PRKCE: variants seen among roughly 807,000 people sequenced by gnomAD.
PRKCE encodes the protein protein kinase C epsilon type.
Under a neutral mutation model 85.4 loss-of-function variants are expected in PRKCE, and 16 were observed. The ratio of observed to expected loss-of-function variants is 0.19; its 90% CI spans 0.13 to 0.28. PRKCE has a LOEUF of 0.28. Among genes scored for constraint, PRKCE ranks in the 10% least tolerant of loss-of-function variants. PRKCE has a pLI of 1.00. For synonymous variants in PRKCE, 388 were observed against 371.5 expected (o/e 1.04, Z -0.51); for missense variants, 573 against 975.2 (o/e 0.59, Z 5.49).
At chr2:45,778,169 G>C (rs1474686763) in intron 1 of PRKCE, among the ~76,000 whole-genome samples, 1 of 152,166 alleles carries the variant, frequency 6.6e-6, no homozygotes, top group Non-Finnish European at 1.5e-5. Flanking sequence ...GGTGGGTGGA[G>C]TTTAAGCCAA....
intron 8 of PRKCE, among the ~76,000 whole-genome samples, chr2:46,006,631 C>G (rs898949411): frequency 6.6e-6 from 1 of 152,196 alleles, no homozygotes; most frequent in Admixed American, 6.5e-5. Context: ...CTCAAGATGC[C>G]CATTTCCACA....
chr2:46,001,411 A>G lies in PRKCE; in HGVS notation c.831A>G (p.Lys277=). Reference sequence around the variant, plus strand: ...CTCCATGTCTCCTTACAGTCTGCAAAATGAATGTTCACCGTCGATGTGAGA... The same window carrying G: ...CTCCATGTCTCCTTACAGTCTGCAAGATGAATGTTCACCGTCGATGTGAGA... The part of the protein sequence containing the change: ...LRQGLQCKVC[K]MNVHRRCETN... The change falls in exon 7 of 15, where the codon AAA becomes AAG. Residue 277 remains lysine, a synonymous_variant. Coordinates refer to ENST00000306156, the MANE Select transcript of PRKCE (RefSeq NM_005400.3). This position sits in a 1 kb window ranked among gnomAD's most constrained non-coding sequence, Gnocchi z 4.4. 1 of 1,598,988 alleles carries G rather than the reference A, an allele frequency of 6.3e-7. No homozygotes were observed. Among genetic ancestry groups the G allele is most frequent in the Admixed American group, 1.7e-5 (1 of 59,950 alleles).
At chr2:46,008,463 G>C (rs1705390476) in intron 9 of PRKCE, among the ~76,000 whole-genome samples, 1 of 152,200 alleles carries the variant, frequency 6.6e-6, no homozygotes, top group Admixed American at 6.5e-5. Flanking sequence ...CCCTGGTTCT[G>C]TTCAGAGCTA....
intron 1 of PRKCE, among the ~76,000 whole-genome samples, chr2:45,681,029 G>A (rs189382912): frequency 8.1e-4 from 124 of 152,148 alleles, no homozygotes; most frequent in African/African-American, 2.6e-3. Context: ...GGTGGCGCAC[G>A]CCTGTAATCC....
At chr2:45,940,642 T>C (rs1465829483) in intron 2 of PRKCE, among the ~76,000 whole-genome samples, 4 of 151,976 alleles carry the variant, frequency 2.6e-5, no homozygotes, top group Non-Finnish European at 5.9e-5. Flanking sequence ...CAGCGCACAC[T>C]CTTGCGCTCA....
chr2:45,678,114 T>A (rs924858934), intron 1 of PRKCE, among the ~76,000 whole-genome samples: 3 of 152,218 alleles, frequency 2.0e-5, no homozygotes, highest in Non-Finnish European at 4.4e-5. Flanking sequence ...CTCACCAATT[T>A]CTTTTTGGTT....
intron 1 of PRKCE, among the ~76,000 whole-genome samples, chr2:45,667,440 G>A (rs1157218060): frequency 6.6e-6 from 1 of 152,156 alleles, no homozygotes; most frequent in East Asian, 1.9e-4. Flanking sequence ...GAGCCACCAT[G>A]CCCAGCCTGG....
intron 1 of PRKCE, among the ~76,000 whole-genome samples, chr2:45,702,343 T>G (rs757669525): frequency 6.6e-5 from 10 of 152,224 alleles, no homozygotes; most frequent in Non-Finnish European, 1.5e-4. Flanking sequence ...GTCCCAGCTC[T>G]TGGGCAAGCT....
chr2:46,175,241 G>C (rs1187215932), intron 14 of PRKCE, among the ~76,000 whole-genome samples: 1 of 152,172 alleles, frequency 6.6e-6, no homozygotes, highest in African/African-American at 2.4e-5. Flanking sequence ...TTGGCTATTT[G>C]CCTCCAGTGA....
At chr2:46,056,519 C>G (rs1341211490) in intron 10 of PRKCE, among the ~76,000 whole-genome samples, 1 of 152,142 alleles carries the variant, frequency 6.6e-6, no homozygotes. Flanking sequence ...TTCATCTTTT[C>G]TTTCTTAAAA....
At chr2:46,043,405 CT>C (rs1371628942) in intron 10 of PRKCE, among the ~76,000 whole-genome samples, 1 of 152,112 alleles carries the variant, frequency 6.6e-6, no homozygotes, top group African/African-American at 2.4e-5. Context: ...CATACAGTAA[CT>C]ATTTCAATTT....
At chr2:45,667,319 A>AT (rs1237769257) in intron 1 of PRKCE, among the ~76,000 whole-genome samples, 3 of 151,400 alleles carry the variant, frequency 2.0e-5, no homozygotes, top group East Asian at 3.9e-4. Context: ...TCAAAAAAAA[A>AT]TTTTTTTTTA....
In PRKCE at chr2:45,984,772, T is replaced by C. The variant is rs568716493; in HGVS notation, c.823+92T>C. 6.6e-6 allele frequency: 10 copies of C among 1,507,664 alleles called. No individual in the cohort carries two copies. The African/African-American group carries it at 1.4e-4, about 21-fold the overall frequency. 93.4% of individuals were successfully genotyped at this position (1,507,664 alleles called of 1,614,324 possible). A position where few individuals can be genotyped will look rare whatever the true frequency, so the allele number is the denominator to read the frequency against. On this transcript the variant is annotated intron_variant, in intron 6 of 14. Transcript: ENST00000306156. ...TGCTTTATAAAAAACCCTTGTCTGA[T>C]TCCAGATTTGGCCAAGAACTGAGTG...
chr2:45,806,189 T>C (rs1041028728), intron 1 of PRKCE, among the ~76,000 whole-genome samples: 1 of 152,178 alleles, frequency 6.6e-6, no homozygotes, highest in Non-Finnish European at 1.5e-5. Context: ...ATGAAGATTA[T>C]AGAAGGAATT....
At chr2:46,178,587 G>C (rs916362104) in intron 14 of PRKCE, among the ~76,000 whole-genome samples, 1 of 152,202 alleles carries the variant, frequency 6.6e-6, no homozygotes, top group African/African-American at 2.4e-5. Flanking sequence ...GTATGGCTAT[G>C]AAGAATATAT....
chr2:45,968,271 T>G (rs1283387284), intron 2 of PRKCE, among the ~76,000 whole-genome samples: 2 of 150,726 alleles, frequency 1.3e-5, no homozygotes, highest in Non-Finnish European at 3.0e-5. Flanking sequence ...ACACACACCA[T>G]GGAATACTAC....
intron 1 of PRKCE, among the ~76,000 whole-genome samples, chr2:45,667,816 G>A (rs1675986232): frequency 2.6e-5 from 4 of 151,862 alleles, no homozygotes; most frequent in Admixed American, 2.0e-4. Context: ...AGTGAAAAAG[G>A]ATGCAGCACA....
At chr2:45,976,928 G>A (rs1702501353) in intron 3 of PRKCE, among the ~76,000 whole-genome samples, 1 of 138,702 alleles carries the variant, frequency 7.2e-6, no homozygotes, top group African/African-American at 2.7e-5. Context: ...ACAGAGTCTA[G>A]CTCTGTTGCC....
intron 2 of PRKCE, among the ~76,000 whole-genome samples, chr2:45,888,866 A>G (rs929439327): frequency 8.5e-5 from 13 of 152,190 alleles, no homozygotes; most frequent in African/African-American, 2.7e-4. Flanking sequence ...TGTCAAGATG[A>G]TAAGATTTCC....
Sources: allele counts gnomAD v4.1 joint callset (sites outside exome capture counted in the v4.1 genomes callset), GRCh38; gene constraint gnomAD v4.1.1; non-coding constraint Gnocchi (gnomAD v3.1); transcripts MANE v1.5; gene names NCBI Gene and HGNC (gene_info 2026-07-23, HGNC 2026-07-21).